Variants in PRKCE observed in about 807,000 individuals in gnomAD.
PRKCE encodes protein kinase C epsilon.
A neutral mutation model predicts 85.4 loss-of-function variants in PRKCE; 16 were observed. The ratio of observed to expected loss-of-function variants is 0.19; its 90% confidence interval spans 0.13 to 0.28. The LOEUF (loss-of-function observed/expected upper bound fraction) is 0.28. Ranked by LOEUF, PRKCE falls within the 10% of genes least tolerant of loss-of-function variation. The pLI, the probability that PRKCE is intolerant of heterozygous loss-of-function variation, is 1.00. For synonymous variants in PRKCE, 388 were observed against 371.5 expected (o/e 1.04, Z -0.51); for missense variants, 573 against 975.2 (o/e 0.59, Z 5.49).
intron 14 of PRKCE, among the ~76,000 whole-genome samples, chr2:46,164,112 AG>A (rs1678079824): frequency 6.6e-6 from 1 of 152,238 alleles, no homozygotes. Flanking sequence ...GAGCTGGGAA[AG>A]AAAGGGCTTT....
At position 45,689,233 on chromosome 2, in the gene PRKCE, G is replaced by A. The variant is rs372285357; in HGVS notation, c.348+36785G>A. Among the ~76,000 whole-genome samples, 3 of 152,298 alleles carry A rather than the reference G, an allele frequency of 2.0e-5. No homozygotes were observed. The South Asian group carries it at 6.2e-4, about 32-fold the overall frequency. On this transcript the variant is annotated intron_variant, in intron 1 of 14. Transcript: ENST00000306156. ...CTAGATCACAGATTCCGAGTTGAAA[G>A]CATGTCATATAAGTGAGATAAAGAA...
intron 13 of PRKCE, among the ~76,000 whole-genome samples, chr2:46,158,849 C>T (rs1035772170): frequency 1.3e-5 from 2 of 152,098 alleles, no homozygotes; most frequent in African/African-American, 2.4e-5. Flanking sequence ...ATTAAATTAA[C>T]GTTTACCCTC....
intron 1 of PRKCE, among the ~76,000 whole-genome samples, chr2:45,662,243 A>G (rs562003983): frequency 4.2e-4 from 64 of 152,222 alleles, no homozygotes; most frequent in Non-Finnish European, 4.4e-4. Context: ...TGAATATGCC[A>G]GGTGCTATGC....
At chr2:45,975,326 AC>A (rs1422697786) in intron 2 of PRKCE, among the ~76,000 whole-genome samples, 1 of 152,196 alleles carries the variant, frequency 6.6e-6, no homozygotes, top group African/African-American at 2.4e-5. Flanking sequence ...GACTGCAATA[AC>A]AAAATACCAA....
chr2:45,734,711 C>CCCCTGCAGGCCTGAAGT (rs1681897692), intron 1 of PRKCE, among the ~76,000 whole-genome samples: 2 of 152,116 alleles, frequency 1.3e-5, no homozygotes, highest in Non-Finnish European at 2.9e-5. Context: ...GCGCAGATCC[C>CCCCTGCAGGCCTGAAGT]CCCTGCAGGC....
At chr2:45,710,178 C>G (rs1306654104) in intron 1 of PRKCE, among the ~76,000 whole-genome samples, 1 of 152,238 alleles carries the variant, frequency 6.6e-6, no homozygotes, top group African/African-American at 2.4e-5. Context: ...TATTAACTCA[C>G]TTAACCCCTG....
At chr2:46,088,099 A>G (rs1255024540) in intron 11 of PRKCE, among the ~76,000 whole-genome samples, 1 of 152,112 alleles carries the variant, frequency 6.6e-6, no homozygotes, top group African/African-American at 2.4e-5. Flanking sequence ...GCTTTGCCAT[A>G]TTCTGTTGGT....
intron 5 of PRKCE, among the ~76,000 whole-genome samples, chr2:45,983,955 T>TTTTTA (rs1703103713): frequency 6.7e-6 from 1 of 150,150 alleles, no homozygotes; most frequent in African/African-American, 2.5e-5. Flanking sequence ...TTTTTTTTTT[T>TTTTTA]GAGACAGAGT....
At chr2:46,080,330 G>A (rs184554150) in intron 10 of PRKCE, among the ~76,000 whole-genome samples, 1 of 144,588 alleles carries the variant, frequency 6.9e-6, no homozygotes, top group East Asian at 2.7e-4. Context: ...CACCCTTAAT[G>A]TGTAAAAAAA....
intron 6 of PRKCE, among the ~76,000 whole-genome samples, chr2:45,986,914 G>A (rs1399471442): frequency 6.6e-6 from 1 of 152,184 alleles, no homozygotes. Flanking sequence ...GAGGAAGAAG[G>A]GAGGGGAGCA....
intron 10 of PRKCE, among the ~76,000 whole-genome samples, chr2:46,013,476 C>T (rs1463153261): frequency 2.0e-5 from 3 of 152,090 alleles, no homozygotes; most frequent in Non-Finnish European, 4.4e-5. Flanking sequence ...GGAAGAAGTG[C>T]GATCAAGCCA....
intron 1 of PRKCE, among the ~76,000 whole-genome samples, chr2:45,828,694 TTAACCTC>T (rs1245251086): frequency 6.6e-6 from 1 of 152,210 alleles, no homozygotes; most frequent in African/African-American, 2.4e-5. Context: ...AATGGATTGT[TTAACCTC>T]ATTATGCCTC....
At chr2:45,700,098 C>T (rs1034477568) in intron 1 of PRKCE, among the ~76,000 whole-genome samples, 2 of 151,546 alleles carry the variant, frequency 1.3e-5, no homozygotes, top group Admixed American at 6.6e-5. Flanking sequence ...CTAACCAGGC[C>T]GCCTGGGGTT....
chr2:46,128,670 G>A (rs943767568), intron 11 of PRKCE, among the ~76,000 whole-genome samples: 1 of 152,136 alleles, frequency 6.6e-6, no homozygotes, highest in African/African-American at 2.4e-5. Context: ...TTATGTCTTC[G>A]ATCTTTTAAT....
chr2:45,972,869 C>T (rs1479021735), intron 2 of PRKCE, among the ~76,000 whole-genome samples: 5 of 152,208 alleles, frequency 3.3e-5, no homozygotes, highest in African/African-American at 4.8e-5. Flanking sequence ...CTATCAAATT[C>T]TCAAAGGCAT....
Position 45,980,390 on chromosome 2 carries a change from T to C in PRKCE, c.693+9T>C. 6.3e-7 allele frequency: 1 copy of C among 1,599,462 alleles called. No homozygotes were observed. Among genetic ancestry groups the C allele is most frequent in the Non-Finnish European group, 8.5e-7 (1 of 1,179,730 alleles). The stretch of plus-strand genomic sequence containing the variant: ...AGGAGACCCCCGACCAGGTAAGTGT[T>C]GGTGACACGGAAATTCTGGGCTTCT... On this transcript the variant is annotated intron_variant, in intron 5 of 14. Transcript: ENST00000306156.
At chr2:45,848,566 C>T (rs547540354) in intron 2 of PRKCE, among the ~76,000 whole-genome samples, 12 of 152,226 alleles carry the variant, frequency 7.9e-5, no homozygotes, top group Non-Finnish European at 1.3e-4. Flanking sequence ...CCACCTCGGC[C>T]TCCCAAAGTG....
At chr2:45,732,280 G>A (rs1194381261) in intron 1 of PRKCE, among the ~76,000 whole-genome samples, 1 of 152,102 alleles carries the variant, frequency 6.6e-6, no homozygotes, top group East Asian at 1.9e-4. Flanking sequence ...TTTTCTATAG[G>A]TGAGCCCTGA....
chr2:45,978,867 A>G (rs1455803260), intron 3 of PRKCE, 109 bp from the exon 4 acceptor site: 3 of 853,446 alleles, frequency 3.5e-6, no homozygotes, highest in Admixed American at 1.9e-5. Flanking sequence ...TGCATACTTC[A>G]TGTACTTGGT....
Sources: gnomAD v4.1 joint callset for allele counts (sites outside exome capture counted in the v4.1 genomes callset) on GRCh38, gnomAD v4.1.1 for gene constraint, MANE v1.5 for transcripts, NCBI Gene and HGNC (gene_info 2026-07-23, HGNC 2026-07-21) for gene names.